CD247: variants seen among roughly 807,000 people sequenced by gnomAD.
CD247 encodes CD247 molecule.
In CD247, 13 loss-of-function variants were observed where a neutral mutation model predicts 30.0. The observed-to-expected ratio is 0.43, with a 90% CI of 0.28 to 0.69. CD247 has a LOEUF of 0.69. Ranked by LOEUF, CD247 falls within the 30% of genes least tolerant of loss-of-function variation. CD247 has a pLI of 0.16. For missense variants in CD247, 193 were observed against 212.6 expected, an observed-to-expected ratio of 0.91 and a Z score of 0.57; for synonymous variants, 72 against 80.0, an observed-to-expected ratio of 0.90 and a Z score of 0.53.
intron 1 of CD247, among the ~76,000 whole-genome samples, chr1:167,447,677 C>T (rs1444570703): frequency 6.6e-6 from 1 of 152,114 alleles, no homozygotes; most frequent in Non-Finnish European, 1.5e-5. Context: ...TCACAGCGAC[C>T]TCCCAGGGTG....
At chr1:167,475,292 T>C (rs1455169973) in intron 1 of CD247, among the ~76,000 whole-genome samples, 1 of 152,212 alleles carries the variant, frequency 6.6e-6, no homozygotes, top group Non-Finnish European at 1.5e-5. Flanking sequence ...CGGCTCTTCC[T>C]GTTTTTCTAT....
rs543990940 is a variant in CD247, at chr1:167,500,744, C to T, written c.58+17664G>A. 9.8e-5 allele frequency among the ~76,000 whole-genome samples: 15 copies of T among 152,352 alleles called. No homozygotes were observed. In the South Asian group the frequency reaches 2.9e-3, roughly 29 times the overall value. On this transcript the variant is annotated intron_variant, in intron 1 of 7. Transcript: ENST00000362089. ...AGAGAATAACAGCAAATGCTTTTAT[C>T]GCTCAGGCAGCTCAATCACATTTGG...
chr1:167,482,993 ATTCT>A (rs146766315), intron 1 of CD247, among the ~76,000 whole-genome samples: 25 of 135,832 alleles, frequency 1.8e-4, no homozygotes, highest in South Asian at 1.6e-3. Flanking sequence ...ACTAACCAAT[ATTCT>A]TTCTTTCTTT....
chr1:167,490,744 G>C (rs949330464), intron 1 of CD247, among the ~76,000 whole-genome samples: 2 of 152,010 alleles, frequency 1.3e-5, no homozygotes, highest in Non-Finnish European at 2.9e-5. Context: ...ACCAGCCTTC[G>C]TCTCTACTAA....
chr1:167,503,148 A>G (rs1368569803), intron 1 of CD247, among the ~76,000 whole-genome samples: 1 of 152,246 alleles, frequency 6.6e-6, no homozygotes, highest in Admixed American at 6.5e-5. Flanking sequence ...TCAGCCTTAC[A>G]CAGGAGGGGT....
chr1:167,446,983 G>T (rs900675161), intron 1 of CD247, among the ~76,000 whole-genome samples: 1 of 152,044 alleles, frequency 6.6e-6, no homozygotes, highest in South Asian at 2.1e-4. Context: ...CAACAGAGTG[G>T]GACTCCGTCT....
At chr1:167,512,024 A>G (rs1483633014) in intron 1 of CD247, among the ~76,000 whole-genome samples, 7 of 152,080 alleles carry the variant, frequency 4.6e-5, no homozygotes, top group Non-Finnish European at 8.8e-5. Context: ...TCTTTGTTCT[A>G]ATGCTTTCTA....
intron 5 of CD247, chr1:167,434,377 G>T: frequency 2.1e-6 from 1 of 480,946 alleles, no homozygotes; most frequent in Non-Finnish European, 3.8e-6. Flanking sequence ...AAGACACGGA[G>T]ACTGGGCAAA....
intron 1 of CD247, among the ~76,000 whole-genome samples, chr1:167,456,748 C>G (rs1047716289): frequency 7.9e-5 from 12 of 152,344 alleles, no homozygotes; most frequent in African/African-American, 2.2e-4. Context: ...TGAGGGAGGG[C>G]AGCCCCAAAG....
intron 1 of CD247, chr1:167,448,380 G>T (rs939365810): frequency 5.1e-6 from 5 of 985,250 alleles, no homozygotes; most frequent in Non-Finnish European, 6.0e-6. Context: ...TGGTGAGAGG[G>T]GTCCTCACCA....
intron 1 of CD247, among the ~76,000 whole-genome samples, chr1:167,470,525 A>T (rs1653469001): frequency 6.7e-6 from 1 of 150,218 alleles, no homozygotes; most frequent in South Asian, 2.1e-4. Flanking sequence ...AAAAAAAAAA[A>T]AAGAAACAAG....
intron 6 of CD247, among the ~76,000 whole-genome samples, chr1:167,433,626 T>C (rs1218728129): frequency 1.3e-5 from 2 of 151,856 alleles, no homozygotes; most frequent in East Asian, 3.8e-4. Flanking sequence ...TTGAAATTCT[T>C]AATTGTTGAT....
At chr1:167,481,094 C>T (rs1052524532) in intron 1 of CD247, among the ~76,000 whole-genome samples, 3 of 152,116 alleles carry the variant, frequency 2.0e-5, no homozygotes, top group Non-Finnish European at 4.4e-5. Context: ...TGAGGTCAGC[C>T]TGGGCAACAT....
chr1:167,507,835 TAA>T (rs11309602), intron 1 of CD247, among the ~76,000 whole-genome samples: 48 of 147,514 alleles, frequency 3.3e-4, no homozygotes, highest in African/African-American at 5.0e-4. Flanking sequence ...GACCCTATCT[TAA>T]AAAAAAAAAA....
chr1:167,485,397 G>A (rs1259582203), intron 1 of CD247, among the ~76,000 whole-genome samples: 1 of 152,184 alleles, frequency 6.6e-6, no homozygotes, highest in Non-Finnish European at 1.5e-5. Flanking sequence ...GCTTGACATT[G>A]CAGAAGGAGA....
At position 167,430,919 on chromosome 1, in the gene CD247, T is replaced by C. The variant is rs1374474166; in HGVS notation, c.*762A>G. ...GTGAAGTGAATCAACGGCCTCCTCT[T>C]GCTCCGCAGCACTTTATTCACACTG... On this transcript the variant is annotated 3_prime_UTR_variant, in exon 8 of 8. Transcript: ENST00000362089. 2.5e-6 allele frequency: 1 copy of C among 398,710 alleles called. No individual in the cohort carries two copies. The highest frequency in any genetic ancestry group is 4.4e-6 in the Non-Finnish European group (1 of 226,206). The allele number at this position is 398,710 out of a possible 1,614,324, so 24.7% of individuals were successfully genotyped here. A position where few individuals can be genotyped will look rare whatever the true frequency, so the allele number is the denominator to read the frequency against.
At chr1:167,500,062 C>T (rs1356758246) in intron 1 of CD247, among the ~76,000 whole-genome samples, 1 of 152,210 alleles carries the variant, frequency 6.6e-6, no homozygotes, top group African/African-American at 2.4e-5. Context: ...TAAAGCTTCT[C>T]CTGGGTGATA....
chr1:167,502,207 C>G (rs1057356985), intron 1 of CD247, among the ~76,000 whole-genome samples: 6 of 152,232 alleles, frequency 3.9e-5, no homozygotes, highest in African/African-American at 1.4e-4. Flanking sequence ...AAGCCCTGTG[C>G]ATTTATTGCA....
intron 1 of CD247, among the ~76,000 whole-genome samples, chr1:167,480,288 AGAAAG>A (rs1485483356): frequency 5.8e-4 from 89 of 152,344 alleles, no homozygotes; most frequent in African/African-American, 1.9e-3. Flanking sequence ...GAAACCGTTT[AGAAAG>A]TGGAATAAAA....
Sources: gnomAD v4.1 joint callset for allele counts (sites outside exome capture counted in the v4.1 genomes callset) on GRCh38, gnomAD v4.1.1 for gene constraint, MANE v1.5 for transcripts, NCBI Gene and HGNC (gene_info 2026-07-23, HGNC 2026-07-21) for gene names.